Variants in AGBL1 observed in about 807,000 individuals in gnomAD.
AGBL1 encodes the protein cytosolic carboxypeptidase 4.
AGBL1 carries 130 observed loss-of-function variants against 118.9 expected under a neutral mutation model. The observed-to-expected ratio is 1.09, with a 90% CI of 0.95 to 1.26. AGBL1 has a LOEUF of 1.26. Ranked by LOEUF, AGBL1 falls within the 50% of genes most tolerant of loss-of-function variation. The pLI is 0.00. For synonymous variants in AGBL1, 555 were observed against 478.9 expected, an observed-to-expected ratio of 1.16 and a Z score of -2.08; for missense variants, 1,584 against 1,298.1, an observed-to-expected ratio of 1.22 and a Z score of -3.38.
chr15:86,570,374 C>T (rs942403974), intron 21 of AGBL1, among the ~76,000 whole-genome samples: 3 of 152,136 alleles, frequency 2.0e-5, no homozygotes, highest in Non-Finnish European at 4.4e-5. Context: ...GAAAGGTACA[C>T]CCTCAAGAAA....
At chr15:86,126,259 A>G (rs914682613) in intron 1 of AGBL1, among the ~76,000 whole-genome samples, 3 of 152,148 alleles carry the variant, frequency 2.0e-5, no homozygotes, top group Non-Finnish European at 4.4e-5. Flanking sequence ...AAATGTCATC[A>G]GTTTCTATTC....
At chr15:86,890,741 G>C (rs575618233) in intron 22 of AGBL1, among the ~76,000 whole-genome samples, 2 of 152,044 alleles carry the variant, frequency 1.3e-5, no homozygotes, top group Non-Finnish European at 2.9e-5. Flanking sequence ...CTATTCCATT[G>C]GTCTATGTGT....
chr15:86,405,358 A>G (rs2081509617), intron 18 of AGBL1, among the ~76,000 whole-genome samples: 1 of 88,646 alleles, frequency 1.1e-5, no homozygotes, highest in African/African-American at 4.2e-5. Flanking sequence ...AAAAAATACC[A>G]AAAAAAAATT....
chr15:86,235,737 T>C (rs941838287), intron 6 of AGBL1, among the ~76,000 whole-genome samples: 1 of 152,242 alleles, frequency 6.6e-6, no homozygotes, highest in Non-Finnish European at 1.5e-5. Flanking sequence ...TATTTAATTA[T>C]TCTATAACAG....
chr15:86,976,501 C>T (rs72757470), intron 23 of AGBL1, among the ~76,000 whole-genome samples: 6,197 of 151,970 alleles, frequency 0.041, 156 homozygotes, highest in Middle Eastern at 0.066. Flanking sequence ...ATTATAAACA[C>T]GCTAGAATAA....
At chr15:86,217,399 G>A (rs532301062) in intron 5 of AGBL1, among the ~76,000 whole-genome samples, 1 of 152,202 alleles carries the variant, frequency 6.6e-6, no homozygotes, top group Non-Finnish European at 1.5e-5. Context: ...CTAAGTGGTA[G>A]GGGTAGAATA....
chr15:86,722,508 A>G (rs899076346), intron 22 of AGBL1, among the ~76,000 whole-genome samples: 4 of 152,206 alleles, frequency 2.6e-5, no homozygotes, highest in African/African-American at 9.6e-5. Flanking sequence ...AAATTAATTC[A>G]AGATGGATTA....
intron 21 of AGBL1, among the ~76,000 whole-genome samples, chr15:86,603,406 C>T (rs777949855): frequency 2.2e-4 from 34 of 152,174 alleles, no homozygotes; most frequent in Non-Finnish European, 3.7e-4. Flanking sequence ...TAAGATTCCT[C>T]TTAATATTGT....
At chr15:86,994,049 C>T (rs1447632075) in intron 24 of AGBL1, among the ~76,000 whole-genome samples, 2 of 152,132 alleles carry the variant, frequency 1.3e-5, no homozygotes, top group Non-Finnish European at 1.5e-5. Context: ...TTCTGTGTCA[C>T]ATTCATTCTG....
intron 21 of AGBL1, among the ~76,000 whole-genome samples, chr15:86,670,224 C>G (rs560093610): frequency 3.2e-4 from 49 of 152,058 alleles, no homozygotes; most frequent in African/African-American, 1.0e-3. Context: ...GAGCCACTGC[C>G]CTGAAGGTCT....
chr15:86,848,552 C>T (rs1028796823), intron 22 of AGBL1, among the ~76,000 whole-genome samples: 7 of 152,106 alleles, frequency 4.6e-5, no homozygotes, highest in African/African-American at 1.4e-4. Context: ...TACATGGTCC[C>T]AAGAACTAAA....
intron 22 of AGBL1, among the ~76,000 whole-genome samples, chr15:86,854,468 G>A (rs905986105): frequency 2.0e-5 from 3 of 152,180 alleles, no homozygotes; most frequent in African/African-American, 7.2e-5. Context: ...CCAACTGGAT[G>A]TGTTCCATCA....
intron 18 of AGBL1, among the ~76,000 whole-genome samples, chr15:86,521,594 C>T (rs567904552): frequency 6.6e-6 from 1 of 152,262 alleles, no homozygotes; most frequent in East Asian, 1.9e-4. Context: ...GAAAGTTCCC[C>T]TGCAGATTGA....
chr15:86,275,038 T>C (rs2079225482), intron 15 of AGBL1, among the ~76,000 whole-genome samples: 1 of 152,152 alleles, frequency 6.6e-6, no homozygotes, highest in Non-Finnish European at 1.5e-5. Flanking sequence ...TCCCTGCCTC[T>C]CGTAAAAGTA....
At chr15:86,102,902 T>A (rs1168458663) in intron 1 of AGBL1, among the ~76,000 whole-genome samples, 1 of 152,178 alleles carries the variant, frequency 6.6e-6, no homozygotes, top group East Asian at 1.9e-4. Context: ...TCTTTCTATT[T>A]TTCTATTGTC....
chr15:86,837,778 G>C (rs958858692), intron 22 of AGBL1, among the ~76,000 whole-genome samples: 4 of 152,186 alleles, frequency 2.6e-5, no homozygotes, highest in Non-Finnish European at 5.9e-5. Flanking sequence ...GAGCGTGAGA[G>C]AGAAGACTAC....
intron 6 of AGBL1, among the ~76,000 whole-genome samples, chr15:86,236,953 G>GGGGGGT (rs2078559966): frequency 6.3e-4 from 1 of 1,600 alleles, no homozygotes; most frequent in African/African-American, 1.6e-3. Context: ...GGGGGGGGGC[G>GGGGGGT]GGGGGGCGCC....
intron 7 of AGBL1, among the ~76,000 whole-genome samples, chr15:86,252,906 C>T (rs1215692363): frequency 6.6e-6 from 1 of 152,186 alleles, no homozygotes; most frequent in Non-Finnish European, 1.5e-5. Context: ...CTTAGAATTT[C>T]TCCTCTATGT....
At chr15:86,595,826 G>T (rs909130390) in intron 21 of AGBL1, among the ~76,000 whole-genome samples, 1 of 151,918 alleles carries the variant, frequency 6.6e-6, no homozygotes, top group African/African-American at 2.4e-5. Context: ...ATGGGCAGGG[G>T]GCAAGGGAAT....
Sources: gnomAD v4.1 joint callset for allele counts (sites outside exome capture counted in the v4.1 genomes callset) on GRCh38, gnomAD v4.1.1 for gene constraint, MANE v1.5 for transcripts, NCBI Gene and HGNC (gene_info 2026-07-23, HGNC 2026-07-21) for gene names.